The following ZNF695 variants were observed in gnomAD, a reference collection of about 807,000 sequenced individuals.
ZNF695 encodes zinc finger protein 695.
A neutral mutation model predicts 11.2 loss-of-function variants in ZNF695; 11 were observed. The ratio of observed to expected loss-of-function variants is 0.98; its 90% CI spans 0.62 to 1.62. ZNF695 has a LOEUF of 1.62. ZNF695 is among the 40% of genes most tolerant of loss of function. The probability of loss-of-function intolerance (pLI) is 0.00; values close to 1 mark genes in which losing one functional copy is unlikely to be tolerated. For missense variants in ZNF695, 559 were observed against 590.5 expected, an observed-to-expected ratio of 0.95 and a Z score of 0.55; for synonymous variants, 190 against 201.4, an observed-to-expected ratio of 0.94 and a Z score of 0.48.
In ZNF695 at chr1:246,966,453, C is replaced by A. The variant is rs190460446; in HGVS notation, c.488+1242G>T. Reference sequence around the variant, plus strand: ...CCAAGATTGCGCCATTGCACTCCAGCCTGGGCGACAGAGCAAGACTCCATC... The same window carrying A: ...CCAAGATTGCGCCATTGCACTCCAGACTGGGCGACAGAGCAAGACTCCATC... On this transcript the variant is annotated intron_variant, in intron 5 of 5. Coordinates refer to the ZNF695 transcript ENST00000487338. Among the ~76,000 whole-genome samples, 24 of 151,964 alleles carry A rather than the reference C, an allele frequency of 1.6e-4. No individual in the cohort carries two copies. The East Asian group carries it at 4.6e-3, about 29-fold the overall frequency.
intron 4 of ZNF695, among the ~76,000 whole-genome samples, chr1:246,976,522 C>T (rs12403213): frequency 0.37 from 56,530 of 151,708 alleles, 11,679 homozygotes; most frequent in African/African-American, 0.55. Context: ...TGGCCGGGCG[C>T]GGTGGCTCAC....
downstream of ZNF695, among the ~76,000 whole-genome samples, chr1:246,981,685 G>A (rs1376738014): frequency 1.3e-5 from 2 of 152,172 alleles, no homozygotes; most frequent in African/African-American, 4.8e-5. Flanking sequence ...GGTACCTGGA[G>A]CTGCTGTTCC....
At chr1:247,005,621 C>T (rs778042434) in intron 1 of ZNF695, among the ~76,000 whole-genome samples, 13 of 151,278 alleles carry the variant, frequency 8.6e-5, no homozygotes, top group African/African-American at 2.4e-4. Context: ...GGCTGAGGCA[C>T]GAGAATAGCC....
chr1:246,959,282 C>CAAAAA lies in ZNF695; in HGVS notation c.488+8408_488+8412dup, dbSNP rs1189262229. On this transcript the variant is annotated intron_variant, in intron 5 of 5. Coordinates refer to the ZNF695 transcript ENST00000487338. ...TGGATGACAGAGTGAGACCCTGTCT[C>CAAAAA]AAAAAAAAAAAAAAAAAAAAAAAAA... Among the ~76,000 whole-genome samples, 11 of 7,432 alleles carry CAAAAA rather than the reference C, an allele frequency of 1.5e-3. 5 individuals carry two copies. Among genetic ancestry groups the CAAAAA allele is most frequent in the South Asian group, 0.028 (2 of 72 alleles). The allele number at this position is 7,432 out of a possible 152,430, so 4.9% of individuals were successfully genotyped here.
chr1:246,986,424 T>TA lies in ZNF695; in HGVS notation c.*542dup. ...TTCCCCAAAAGGTGAATCTCCTACT[T>TA]ACTTTAACTTAACTTTGAATTATTC... is the stretch of plus-strand genomic sequence containing the variant. On this transcript the variant is annotated 3_prime_UTR_variant, in exon 4 of 4. Coordinates refer to ENST00000339986, the MANE Select transcript of ZNF695 (RefSeq NM_020394.5). The TA allele has an allele frequency of 1.0e-6, 1 of 985,594 alleles. No homozygotes were observed. The highest frequency in any genetic ancestry group is 1.2e-6 in the Non-Finnish European group (1 of 830,060). The allele number at this position is 985,594 out of a possible 1,614,324, so 61.1% of individuals were successfully genotyped here.
downstream of ZNF695, among the ~76,000 whole-genome samples, chr1:246,982,247 G>A (rs1668727300): frequency 9.8e-6 from 1 of 102,490 alleles, no homozygotes; most frequent in Non-Finnish European, 2.0e-5. Context: ...TCCAGCCTGG[G>A]CAAAAAGAGT....
chr1:246,954,776 GCTCA>G (rs1347087966), intron 5 of ZNF695, among the ~76,000 whole-genome samples: 2 of 152,076 alleles, frequency 1.3e-5, no homozygotes, highest in African/African-American at 4.8e-5. Context: ...GGGTTTTCTT[GCTCA>G]CTAAGTTTTT....
At chr1:246,976,764 A>C (rs575975508) in intron 4 of ZNF695, among the ~76,000 whole-genome samples, 1 of 152,140 alleles carries the variant, frequency 6.6e-6, no homozygotes, top group Non-Finnish European at 1.5e-5. Flanking sequence ...ACTGCACTCC[A>C]GCCTGGGCGA....
In ZNF695 at chr1:246,986,141, C is replaced by G; in HGVS notation, c.*826G>C. 1.4e-6 allele frequency: 1 copy of G among 703,544 alleles called. No homozygotes were observed. The highest frequency in any genetic ancestry group is 1.7e-6 in the Non-Finnish European group (1 of 572,704). The allele number at this position is 703,544 out of a possible 1,614,324, so 43.6% of individuals were successfully genotyped here. The stretch of plus-strand genomic sequence containing the variant: ...CAGGAGTGAAGTTGCCAGATAGCAG[C>G]TCACTGCATCCTCAACCTCCAGGCT... On this transcript the variant is annotated 3_prime_UTR_variant, in exon 4 of 4. Transcript: ENST00000339986.
chr1:246,980,549 C>T (rs962622715), downstream of ZNF695, among the ~76,000 whole-genome samples: 10 of 151,624 alleles, frequency 6.6e-5, no homozygotes, highest in Non-Finnish European at 1.0e-4. Context: ...CCCAAGCAGC[C>T]GAGATTACAG....
intron 3 of ZNF695, among the ~76,000 whole-genome samples, chr1:246,995,487 A>C (rs907244963): frequency 7.2e-5 from 11 of 152,168 alleles, no homozygotes; most frequent in African/African-American, 2.2e-4. Flanking sequence ...AGAGCGCAAC[A>C]ATCTCCACAA....
chr1:246,993,177 G>A (rs1278867495), intron 3 of ZNF695, among the ~76,000 whole-genome samples: 1 of 152,148 alleles, frequency 6.6e-6, no homozygotes, highest in Non-Finnish European at 1.5e-5. Flanking sequence ...GGGAGGCCGA[G>A]GTTGGCAGAT....
chr1:246,955,320 G>A (rs552703542), intron 5 of ZNF695, among the ~76,000 whole-genome samples: 1 of 152,282 alleles, frequency 6.6e-6, no homozygotes, highest in African/African-American at 2.4e-5. Context: ...ACTGAATAGT[G>A]TAAGGAAATC....
intron 3 of ZNF695, among the ~76,000 whole-genome samples, chr1:246,993,439 A>T (rs551016605): frequency 6.6e-6 from 1 of 152,166 alleles, no homozygotes; most frequent in East Asian, 1.9e-4. Flanking sequence ...AACAAAAAAA[A>T]ACACCATTCC....
chr1:246,997,878 C>T (rs115333131), intron 3 of ZNF695, among the ~76,000 whole-genome samples: 3,254 of 152,242 alleles, frequency 0.021, 37 homozygotes, highest in Middle Eastern at 0.058. Flanking sequence ...AGAAGACACA[C>T]GTGATTGCCA....
At chr1:246,963,164 G>A (rs906494647) in intron 5 of ZNF695, among the ~76,000 whole-genome samples, 6 of 152,126 alleles carry the variant, frequency 3.9e-5, no homozygotes, top group Non-Finnish European at 8.8e-5. Flanking sequence ...TCCCTCATCC[G>A]GAAGTGGCCA....
intron 3 of ZNF695, among the ~76,000 whole-genome samples, chr1:246,998,231 G>A (rs1367769794): frequency 2.0e-5 from 3 of 152,028 alleles, no homozygotes; most frequent in Non-Finnish European, 4.4e-5. Flanking sequence ...GACCGATGAA[G>A]TTTCATACTA....
At chr1:246,967,480 AAAGGGGTGAC>A (rs1668318560) in intron 5 of ZNF695, 1 of 456,326 alleles carries the variant, frequency 2.2e-6, no homozygotes. Context: ...TAAAAGAGAA[AAAGGGGTGAC>A]AAGGATGATG....
At chr1:246,993,103 G>GA (rs940562642) in intron 3 of ZNF695, among the ~76,000 whole-genome samples, 15 of 152,192 alleles carry the variant, frequency 9.9e-5, no homozygotes, top group African/African-American at 3.6e-4. Flanking sequence ...GGAAACATGT[G>GA]AAAACCTCTG....
Sources: allele counts gnomAD v4.1 joint callset (sites outside exome capture counted in the v4.1 genomes callset), GRCh38; gene constraint gnomAD v4.1.1; transcripts MANE v1.5; gene names NCBI Gene and HGNC (gene_info 2026-07-23, HGNC 2026-07-21).